CNTN4: variants seen among roughly 807,000 people sequenced by gnomAD.
CNTN4 encodes the protein contactin-4.
CNTN4 carries 77 observed loss-of-function variants against 122.5 expected under a neutral mutation model. The observed-to-expected ratio is 0.63, with a 90% confidence interval of 0.52 to 0.76. The LOEUF is 0.76. Among genes scored for constraint, CNTN4 ranks in the 30% least tolerant of loss-of-function variants. The pLI is 0.00. For missense variants in CNTN4, 1,256 were observed against 1,259.1 expected (o/e 1.00, Z 0.04); for synonymous variants, 512 against 447.0 (o/e 1.15, Z -1.83).
chr3:2,470,885 G>A (rs2075662060), intron 3 of CNTN4, among the ~76,000 whole-genome samples: 2 of 152,186 alleles, frequency 1.3e-5, no homozygotes, highest in Non-Finnish European at 2.9e-5. Flanking sequence ...TATATGTAAG[G>A]TTTGGGACTG....
intron 5 of CNTN4, among the ~76,000 whole-genome samples, chr3:2,743,175 C>T (rs553540752): frequency 2.6e-5 from 4 of 152,088 alleles, no homozygotes; most frequent in East Asian, 1.9e-4. Flanking sequence ...CATTATGTTG[C>T]GATTTCCTTT....
At chr3:2,133,916 A>G (rs1237617274) in intron 2 of CNTN4, among the ~76,000 whole-genome samples, 1 of 152,184 alleles carries the variant, frequency 6.6e-6, no homozygotes, top group African/African-American at 2.4e-5. Flanking sequence ...TGATTTTCCT[A>G]TGAAAATTGA....
intron 4 of CNTN4, among the ~76,000 whole-genome samples, chr3:2,660,249 A>G (rs1179715793): frequency 6.6e-6 from 1 of 152,200 alleles, no homozygotes; most frequent in Non-Finnish European, 1.5e-5. Flanking sequence ...GTATACTCAA[A>G]ACATTTTTTA....
At chr3:2,172,695 A>C (rs1489723542) in intron 2 of CNTN4, among the ~76,000 whole-genome samples, 1 of 152,232 alleles carries the variant, frequency 6.6e-6, no homozygotes, top group Non-Finnish European at 1.5e-5. Context: ...TGAGTGGTTG[A>C]TGTCCATCAG....
chr3:2,125,711 C>T (rs1037192718), intron 2 of CNTN4, among the ~76,000 whole-genome samples: 1 of 151,860 alleles, frequency 6.6e-6, no homozygotes, highest in East Asian at 1.9e-4. Context: ...GCGCCTGCCA[C>T]CATGCCCGGC....
At chr3:2,193,687 CAT>C (rs2037697578) in intron 2 of CNTN4, among the ~76,000 whole-genome samples, 5 of 152,188 alleles carry the variant, frequency 3.3e-5, no homozygotes, top group Admixed American at 6.5e-5. Context: ...ATCACATATG[CAT>C]GACTATGGCC....
At position 2,485,855 on chromosome 3, in the gene CNTN4, G is replaced by T. The variant is rs896264026; in HGVS notation, c.-88-85561G>T. On this transcript the variant is annotated intron_variant, in intron 3 of 24. Transcript: ENST00000418658. Reference sequence around the variant, plus strand: ...AGTCAGCACCCTGTCAAAACGGATCGATCAGCTCTCTGTAAAATGGACCAA... The same window carrying T: ...AGTCAGCACCCTGTCAAAACGGATCTATCAGCTCTCTGTAAAATGGACCAA... Among the ~76,000 whole-genome samples the T allele has an allele frequency of 6.6e-5, 10 of 152,220 alleles. No homozygotes were observed. In the South Asian group the frequency reaches 1.2e-3, roughly 19 times the overall value.
At chr3:2,861,819 G>A (rs1026414073) in intron 7 of CNTN4, among the ~76,000 whole-genome samples, 5 of 152,114 alleles carry the variant, frequency 3.3e-5, no homozygotes, top group African/African-American at 9.7e-5. Context: ...TTTGTCAAAT[G>A]AGCATGTTGG....
chr3:2,125,334 G>C (rs896097840), intron 2 of CNTN4, among the ~76,000 whole-genome samples: 67 of 141,502 alleles, frequency 4.7e-4, no homozygotes, highest in African/African-American at 8.2e-4. Flanking sequence ...TATTCTCTGT[G>C]TGTGTGTGTG....
intron 3 of CNTN4, among the ~76,000 whole-genome samples, chr3:2,393,292 G>A (rs1283887614): frequency 6.6e-6 from 1 of 152,056 alleles, no homozygotes; most frequent in Non-Finnish European, 1.5e-5. Context: ...AGTTATACCT[G>A]TAATGACCCT....
rs1450816141 is a variant in CNTN4 at position 3,053,830 on chromosome 3, A to G, written c.2835A>G (p.Gln945=). 8.1e-6 allele frequency: 13 copies of G among 1,614,104 alleles called. No homozygotes were observed. The highest frequency in any genetic ancestry group is 1.1e-5 in the Non-Finnish European group (13 of 1,180,044). Residue 945 remains glutamine, a synonymous_variant, in exon 24 of 25, where the codon CAA becomes CAG. Transcript: ENST00000418658. ...GYKVLYRWNR[Q]SSTSVIETNK... is the part of the protein sequence containing the mutation. ...AGGTCTTGTACAGATGGAACAGACAAAGCAGCACATCTGTCATTGAAACAA... is the reference window on the plus strand; with the variant it reads ...AGGTCTTGTACAGATGGAACAGACAGAGCAGCACATCTGTCATTGAAACAA...
At chr3:2,289,892 C>T (rs1196733175) in intron 2 of CNTN4, among the ~76,000 whole-genome samples, 1 of 152,078 alleles carries the variant, frequency 6.6e-6, no homozygotes, top group Admixed American at 6.5e-5. Flanking sequence ...TCTTTCTAGA[C>T]ATTTGATGAT....
chr3:3,055,864 T>C (rs2125926794), intron 24 of CNTN4, among the ~76,000 whole-genome samples: 1 of 152,350 alleles, frequency 6.6e-6, no homozygotes, highest in South Asian at 2.1e-4. Flanking sequence ...ACTAGTAATA[T>C]TGAAGTTTCT....
intron 4 of CNTN4, among the ~76,000 whole-genome samples, chr3:2,660,238 AG>A (rs2083815369): frequency 6.6e-6 from 1 of 152,110 alleles, no homozygotes; most frequent in African/African-American, 2.4e-5. Context: ...AAACTCTAAT[AG>A]TATACTCAAA....
In CNTN4 at chr3:2,238,801, C is replaced by T. The variant is rs1299951949; in HGVS notation, c.-144-100377C>T. 3 of 106,636 alleles carry T rather than the reference C, an allele frequency of 2.8e-5. 1 individual carries two copies. The highest frequency in any genetic ancestry group is 5.9e-5 in the Non-Finnish European group (3 of 50,902). The allele number at this position is 106,636 out of a possible 1,614,324, so 6.6% of individuals were successfully genotyped here. On this transcript the variant is annotated intron_variant, in intron 2 of 24. Coordinates refer to ENST00000418658, the MANE Select transcript of CNTN4 (RefSeq NM_175607.3). ...GGAGTGCGGTGGCGCCATCTCGGCTCACTGCAAGCTCCGCCTCCCGGGTTC... is the reference window on the plus strand; with the variant it reads ...GGAGTGCGGTGGCGCCATCTCGGCTTACTGCAAGCTCCGCCTCCCGGGTTC...
chr3:2,277,853 A>C (rs980821292), intron 2 of CNTN4, among the ~76,000 whole-genome samples: 42 of 152,186 alleles, frequency 2.8e-4, no homozygotes, highest in African/African-American at 9.7e-4. Flanking sequence ...TATTGAATTT[A>C]TCTGTCAATT....
chr3:2,272,572 A>G (rs982500471), intron 2 of CNTN4, among the ~76,000 whole-genome samples: 11 of 152,200 alleles, frequency 7.2e-5, no homozygotes, highest in African/African-American at 2.4e-4. Flanking sequence ...CTACCAAAAG[A>G]TATGAGAATA....
chr3:2,462,456 G>C (rs1353042999), intron 3 of CNTN4, among the ~76,000 whole-genome samples: 1 of 152,158 alleles, frequency 6.6e-6, no homozygotes, highest in Non-Finnish European at 1.5e-5. Flanking sequence ...ATGACTAGTG[G>C]TGATGATTTT....
chr3:2,439,343 A>C (rs954125436), intron 3 of CNTN4, among the ~76,000 whole-genome samples: 1 of 152,166 alleles, frequency 6.6e-6, no homozygotes, highest in Non-Finnish European at 1.5e-5. Flanking sequence ...ATTTTGATGC[A>C]TACTGAAGTT....
Sources: allele counts gnomAD v4.1 joint callset (sites outside exome capture counted in the v4.1 genomes callset), GRCh38; gene constraint gnomAD v4.1.1; transcripts MANE v1.5; gene names NCBI Gene and HGNC (gene_info 2026-07-23, HGNC 2026-07-21).